PAK5: variants seen among roughly 807,000 people sequenced by gnomAD.
The protein encoded by PAK5 is p21 (RAC1) activated kinase 5, also known as serine/threonine-protein kinase PAK 5.
In PAK5, 16 loss-of-function variants were observed where a neutral mutation model predicts 65.9. That is an observed-to-expected ratio of 0.24 (90% CI 0.16 to 0.37). The LOEUF is 0.37. PAK5 is among the 10% of genes least tolerant of loss of function. The probability of loss-of-function intolerance (pLI) is 1.00; values close to 1 mark genes in which losing one functional copy is unlikely to be tolerated. For synonymous variants in PAK5, 371 were observed against 354.9 expected, an observed-to-expected ratio of 1.05 and a Z score of -0.51; for missense variants, 785 against 903.9, an observed-to-expected ratio of 0.87 and a Z score of 1.69.
At chr20:9,586,069 G>T (rs1227924170) in intron 3 of PAK5, among the ~76,000 whole-genome samples, 1 of 152,092 alleles carries the variant, frequency 6.6e-6, no homozygotes, top group African/African-American at 2.4e-5. Context: ...CCATCTTTGG[G>T]GTCAGGATGG....
At chr20:9,729,923 G>A (rs1600297411) in intron 1 of PAK5, among the ~76,000 whole-genome samples, 1 of 149,786 alleles carries the variant, frequency 6.7e-6, no homozygotes, top group Admixed American at 6.7e-5. Context: ...GAGGTGGGAG[G>A]ATTGCTTGAA....
At chr20:9,646,055 G>A (rs1450719499) in intron 2 of PAK5, among the ~76,000 whole-genome samples, 3 of 152,164 alleles carry the variant, frequency 2.0e-5, no homozygotes, top group Non-Finnish European at 2.9e-5. Context: ...CCTATAGTAG[G>A]GCTCACAAAA....
intron 3 of PAK5, among the ~76,000 whole-genome samples, chr20:9,592,606 C>T (rs186549309): frequency 6.6e-6 from 1 of 152,308 alleles, no homozygotes; most frequent in Admixed American, 6.5e-5. Context: ...TTGCACCAAA[C>T]CAAAAGTTTG....
chr20:9,656,152 A>G (rs1452412496), intron 2 of PAK5, among the ~76,000 whole-genome samples: 2 of 152,128 alleles, frequency 1.3e-5, no homozygotes, highest in Non-Finnish European at 2.9e-5. Context: ...TTCCTTTCCT[A>G]TCAACATTGT....
At chr20:9,829,538 T>C (rs578200825) in intron 1 of PAK5, among the ~76,000 whole-genome samples, 106 of 152,322 alleles carry the variant, frequency 7.0e-4, no homozygotes, top group African/African-American at 2.5e-3. Flanking sequence ...TTGTTCAATA[T>C]GTTAGCTATA....
At chr20:9,825,228 A>G (rs1256907802) in intron 1 of PAK5, among the ~76,000 whole-genome samples, 1 of 152,226 alleles carries the variant, frequency 6.6e-6, no homozygotes, top group African/African-American at 2.4e-5. Flanking sequence ...CTGAAAAGAA[A>G]TGGGAAGCTA....
At chr20:9,661,060 T>G (rs2123332100) in intron 2 of PAK5, among the ~76,000 whole-genome samples, 1 of 152,274 alleles carries the variant, frequency 6.6e-6, no homozygotes, top group Non-Finnish European at 1.5e-5. Context: ...GATTCTGATG[T>G]GCACTCAAGT....
intron 3 of PAK5, among the ~76,000 whole-genome samples, chr20:9,611,726 G>A (rs937669853): frequency 2.0e-5 from 3 of 152,156 alleles, no homozygotes; most frequent in African/African-American, 7.2e-5. Context: ...GAAGAACCCA[G>A]AAGACAGTGG....
chr20:9,665,482 TTTTC>T (rs764623858), intron 2 of PAK5, among the ~76,000 whole-genome samples: 1 of 151,940 alleles, frequency 6.6e-6, no homozygotes, highest in African/African-American at 2.4e-5. Flanking sequence ...GACTTCTAGC[TTTTC>T]TTTCTTTATT....
At chr20:9,616,054 C>G (rs943213612) in intron 3 of PAK5, among the ~76,000 whole-genome samples, 1 of 152,174 alleles carries the variant, frequency 6.6e-6, no homozygotes, top group Non-Finnish European at 1.5e-5. Flanking sequence ...GAGCCAGTCC[C>G]ACGTCAAGGG....
chr20:9,678,170 C>G (rs1042231567), intron 2 of PAK5, among the ~76,000 whole-genome samples: 2 of 152,202 alleles, frequency 1.3e-5, no homozygotes, highest in African/African-American at 2.4e-5. Flanking sequence ...GATCTCATAG[C>G]TCCTTGGGAT....
chr20:9,580,462 T>C lies in PAK5; in HGVS notation c.673A>G (p.Ser225Gly), dbSNP rs1274904681. 6.2e-7 allele frequency: 1 copy of C among 1,614,024 alleles called. No individual in the cohort carries two copies. Among genetic ancestry groups the C allele is most frequent in the African/African-American group, 1.3e-5 (1 of 75,030 alleles). Residue 225 changes from serine (S) to glycine (G), a missense_variant, in exon 4 of 10, where the codon AGC (serine) becomes GGC (glycine). Around this residue, in one of 4 missense-constraint regions of PAK5, gnomAD observed 422 missense variants for 413.3 expected, o/e 1.02. Coordinates refer to ENST00000353224, the MANE Select transcript of PAK5 (RefSeq NM_177990.4). ...TGGAATGAATAATCCAGAGGGGAGC[T>C]ACTCGAGGCTCTCTGATACTCCCAC... ...LKWEYQRASS[S>G]SPLDYSFQFT...
At chr20:9,777,644 C>G (rs1176833841) in intron 1 of PAK5, among the ~76,000 whole-genome samples, 1 of 151,926 alleles carries the variant, frequency 6.6e-6, no homozygotes, top group East Asian at 1.9e-4. Flanking sequence ...AATCAAGGAC[C>G]AATTAGAGTA....
chr20:9,804,302 G>T (rs971214567), intron 1 of PAK5, among the ~76,000 whole-genome samples: 1 of 152,246 alleles, frequency 6.6e-6, no homozygotes, highest in Non-Finnish European at 1.5e-5. Flanking sequence ...GACTCTCCAA[G>T]ATCAGCCATG....
chr20:9,802,197 G>A (rs1600390571), intron 1 of PAK5, among the ~76,000 whole-genome samples: 1 of 152,140 alleles, frequency 6.6e-6, no homozygotes, highest in Non-Finnish European at 1.5e-5. Context: ...ATCTCATGGA[G>A]TCCCATGCTT....
intron 2 of PAK5, among the ~76,000 whole-genome samples, chr20:9,691,082 A>C (rs2047790725): frequency 6.6e-6 from 1 of 152,074 alleles, no homozygotes. Context: ...CTGTCCCCAC[A>C]CACAGGCTCA....
rs1373654364 is a variant in PAK5 at position 9,838,010 on chromosome 20, C to T, written c.-162+752G>A. Among the ~76,000 whole-genome samples the T allele has an allele frequency of 1.3e-5, 2 of 152,182 alleles. No individual in the cohort carries two copies. The highest frequency in any genetic ancestry group is 2.9e-5 in the Non-Finnish European group (2 of 68,034). On this transcript the variant is annotated intron_variant, in intron 1 of 9. Transcript: ENST00000353224. This position sits in a 1 kb window ranked among gnomAD's most constrained non-coding sequence, Gnocchi z 4.5. ...TTCAAGAAGGGCGATCGCGCTTATC[C>T]TCCAAACTGAGCAGTGATGATCCCT...
intron 4 of PAK5, among the ~76,000 whole-genome samples, chr20:9,567,746 A>G (rs561460832): frequency 2.6e-4 from 40 of 152,336 alleles, no homozygotes; most frequent in Middle Eastern, 3.4e-3. Context: ...TATGCTCCAG[A>G]GAAGGAAATA....
At chr20:9,747,506 C>T (rs2048522590) in intron 1 of PAK5, among the ~76,000 whole-genome samples, 1 of 151,132 alleles carries the variant, frequency 6.6e-6, no homozygotes, top group African/African-American at 2.4e-5. Context: ...TGTGCTTCAT[C>T]CCTGGGATGC....
Sources: gnomAD v4.1 joint callset for allele counts (sites outside exome capture counted in the v4.1 genomes callset) on GRCh38, gnomAD v4.1.1 for gene constraint, gnomAD v4.1.1 regional missense constraint, Gnocchi (gnomAD v3.1) non-coding constraint, MANE v1.5 for transcripts, NCBI Gene and HGNC (gene_info 2026-07-23, HGNC 2026-07-21) for gene names.